The following GPHN variants were observed in gnomAD, a reference collection of about 807,000 sequenced individuals.
The protein encoded by GPHN is gephyrin.
A neutral mutation model predicts 95.5 loss-of-function variants in GPHN; 17 were observed. The observed-to-expected ratio is 0.18, with a 90% CI of 0.12 to 0.27. The LOEUF (loss-of-function observed/expected upper bound fraction) is 0.27, where lower values mean the gene tolerates loss of function less well. Among genes scored for constraint, GPHN ranks in the 10% least tolerant of loss-of-function variants. The pLI, the probability that GPHN is intolerant of heterozygous loss-of-function variation, is 1.00. For synonymous variants in GPHN, 320 were observed against 322.5 expected, an observed-to-expected ratio of 0.99 and a Z score of 0.08; for missense variants, 660 against 978.1, an observed-to-expected ratio of 0.67 and a Z score of 4.34.
At chr14:66,892,093 C>T (rs1243073970) in intron 5 of GPHN, among the ~76,000 whole-genome samples, 2 of 152,034 alleles carry the variant, frequency 1.3e-5, no homozygotes, top group East Asian at 3.9e-4. Flanking sequence ...ATTATATGAC[C>T]CAGGAACTCC....
chr14:67,225,758 C>G, the GPHN span, among the ~76,000 whole-genome samples: 1 of 152,130 alleles, frequency 6.6e-6, no homozygotes, highest in Admixed American at 6.5e-5. Flanking sequence ...TGGCCCTGGC[C>G]TACTGTATTC....
the GPHN span, chr14:67,586,233 G>A: frequency 1.7e-6 from 2 of 1,164,892 alleles, no homozygotes; most frequent in Non-Finnish European, 2.5e-6. Context: ...TCTGTAATTA[G>A]TATTCCAAAG....
chr14:67,198,335 A>G, the GPHN span: 1 of 1,605,304 alleles, frequency 6.2e-7, no homozygotes, highest in Non-Finnish European at 8.5e-7. Flanking sequence ...ATCATATTCA[A>G]GGCCTGAGTT....
At chr14:66,957,312 C>T (rs1157324279) in intron 8 of GPHN, among the ~76,000 whole-genome samples, 11 of 149,802 alleles carry the variant, frequency 7.3e-5, no homozygotes, top group Non-Finnish European at 1.5e-4. Context: ...TCTCCTACCT[C>T]AGCCTCCCAG....
chr14:66,952,168 C>T (rs149492833), intron 8 of GPHN, among the ~76,000 whole-genome samples: 1 of 152,286 alleles, frequency 6.6e-6, no homozygotes, highest in African/African-American at 2.4e-5. Flanking sequence ...CAAAAAAACA[C>T]CTTACTCATT....
the GPHN span, among the ~76,000 whole-genome samples, chr14:67,261,334 T>C: frequency 2.0e-5 from 3 of 152,128 alleles, no homozygotes; most frequent in East Asian, 3.9e-4. Flanking sequence ...CAAGAGATAA[T>C]GTATATTATG....
At chr14:66,862,282 T>TA (rs1293992369) in intron 4 of GPHN, among the ~76,000 whole-genome samples, 4 of 151,900 alleles carry the variant, frequency 2.6e-5, no homozygotes, top group African/African-American at 9.7e-5. Context: ...TATCAAGGCT[T>TA]AACCACAAAG....
At chr14:67,185,141 AAAAG>A (rs1282007445), downstream of GPHN, among the ~76,000 whole-genome samples, 2 of 152,372 alleles carry the variant, frequency 1.3e-5, no homozygotes, top group Admixed American at 6.5e-5. Context: ...TGTGTGTGAA[AAAAG>A]AAAGACACAA....
chr14:67,109,068 C>T (rs538656633), intron 13 of GPHN, among the ~76,000 whole-genome samples: 3 of 152,252 alleles, frequency 2.0e-5, no homozygotes, highest in East Asian at 3.9e-4. Context: ...AGGCTACAAA[C>T]CTGCACAGCA....
the GPHN span, among the ~76,000 whole-genome samples, chr14:67,706,936 A>G: frequency 6.6e-6 from 1 of 152,328 alleles, no homozygotes; most frequent in East Asian, 1.9e-4. Context: ...TCCTATGCAG[A>G]GAAATTAGGG....
At chr14:66,765,305 C>A (rs931109821) in intron 2 of GPHN, among the ~76,000 whole-genome samples, 2 of 152,152 alleles carry the variant, frequency 1.3e-5, no homozygotes, top group African/African-American at 4.8e-5. Context: ...CCAGCAATTC[C>A]ATTATTGGAT....
the GPHN span, among the ~76,000 whole-genome samples, chr14:67,674,030 T>TA: frequency 6.6e-6 from 1 of 152,246 alleles, no homozygotes; most frequent in East Asian, 1.9e-4. Flanking sequence ...GTCTTGAGAC[T>TA]AGTGCTTTTA....
the GPHN span, among the ~76,000 whole-genome samples, chr14:67,324,056 A>G: frequency 1.3e-5 from 2 of 152,166 alleles, no homozygotes; most frequent in Non-Finnish European, 2.9e-5. Context: ...TGACATTTCT[A>G]GGGAGATGTG....
chr14:67,732,977 G>T, the GPHN span, among the ~76,000 whole-genome samples: 1 of 152,074 alleles, frequency 6.6e-6, no homozygotes, highest in Non-Finnish European at 1.5e-5. Flanking sequence ...CAAAAAACAT[G>T]GGGGGAGCGG....
the GPHN span, among the ~76,000 whole-genome samples, chr14:67,698,294 CATTG>C: frequency 6.6e-6 from 1 of 152,058 alleles, no homozygotes; most frequent in Non-Finnish European, 1.5e-5. Flanking sequence ...GATTAAAAAC[CATTG>C]ATTATCTCTA....
intron 1 of GPHN, among the ~76,000 whole-genome samples, chr14:66,550,604 A>G (rs182666036): frequency 6.6e-6 from 1 of 152,372 alleles, no homozygotes; most frequent in Admixed American, 6.5e-5. Flanking sequence ...TTCTTCTGTC[A>G]GTAAAATTCT....
chr14:67,201,615 G>A, the GPHN span: 1 of 446,836 alleles, frequency 2.2e-6, no homozygotes, highest in African/African-American at 2.0e-5. Context: ...CTGGCAAGGG[G>A]TGTGGAGTGG....
chr14:66,842,784 T>C, intron 4 of GPHN: 6 of 1,135,670 alleles, frequency 5.3e-6, no homozygotes, highest in Non-Finnish European at 7.5e-6. Context: ...TGGTTTCTTT[T>C]ATCATCATAA....
At chr14:66,658,247 T>C (rs1033706890) in intron 1 of GPHN, among the ~76,000 whole-genome samples, 1 of 152,158 alleles carries the variant, frequency 6.6e-6, no homozygotes, top group Non-Finnish European at 1.5e-5. Context: ...TTTTCACAGA[T>C]GAGGAGCTTT....
Sources: gnomAD v4.1 joint callset for allele counts (sites outside exome capture counted in the v4.1 genomes callset) on GRCh38, gnomAD v4.1.1 for gene constraint, MANE v1.5 for transcripts, NCBI Gene and HGNC (gene_info 2026-07-23, HGNC 2026-07-21) for gene names.